Variants in COMMD2 observed in about 807,000 individuals in gnomAD.
The protein encoded by COMMD2 is COMM domain-containing protein 2.
Under a neutral mutation model 22.5 loss-of-function variants are expected in COMMD2, and 25 were observed. That is an observed-to-expected ratio of 1.11 (90% CI 0.81 to 1.55). COMMD2 has a LOEUF of 1.55. Among genes scored for constraint, COMMD2 ranks in the 40% most tolerant of loss-of-function variants. COMMD2 has a pLI of 0.00. For missense variants in COMMD2, 223 were observed against 232.9 expected (o/e 0.96, Z 0.28); for synonymous variants, 98 against 91.2 (o/e 1.07, Z -0.42).
Position 149,739,792 on chromosome 3 carries a change from A to G in COMMD2, c.*1729T>C, listed in dbSNP as rs1055357941. The G allele has an allele frequency of 3.9e-5, 6 of 152,202 alleles. No homozygotes were observed. Among genetic ancestry groups the G allele is most frequent in the Non-Finnish European group, 7.3e-5 (5 of 68,034 alleles). 9.4% of individuals were successfully genotyped at this position (152,202 alleles called of 1,614,324 possible). A position where few individuals can be genotyped will look rare whatever the true frequency, so the allele number is the denominator to read the frequency against. ...GAGCTTCATTAATCAAGTTGCCACT[A>G]TAATTAAAAATTATTTCTGATTATA... On this transcript the variant is annotated 3_prime_UTR_variant, in exon 5 of 5. Transcript: ENST00000473414.
At chr3:149,744,037 A>C (rs1716302899) in intron 4 of COMMD2, among the ~76,000 whole-genome samples, 1 of 152,192 alleles carries the variant, frequency 6.6e-6, no homozygotes, top group Admixed American at 6.5e-5. Context: ...TTTTCTCAGA[A>C]AGAAGTTGAA....
chr3:149,750,874 A>G, intron 3 of COMMD2, 23 bp from the exon 4 acceptor site: 1 of 1,479,536 alleles, frequency 6.8e-7, no homozygotes, highest in Non-Finnish European at 9.2e-7. Context: ...AGTTTAAAAG[A>G]ACATCAAAAT....
At chr3:149,743,524 A>G (rs1244378668) in intron 4 of COMMD2, among the ~76,000 whole-genome samples, 4 of 152,198 alleles carry the variant, frequency 2.6e-5, no homozygotes, top group Non-Finnish European at 5.9e-5. Context: ...ATTCTGACTA[A>G]TAACTTCTTC....
In COMMD2 at chr3:149,752,475, G is replaced by T. The variant is rs368706725; in HGVS notation, c.-31C>A. 6.3e-7 allele frequency: 1 copy of T among 1,590,294 alleles called. No individual in the cohort carries two copies. The highest frequency in any genetic ancestry group is 8.6e-7 in the Non-Finnish European group (1 of 1,165,404). ...CTGTCCTACGATTTCACCCGGCAGC[G>T]CCGACCCCGCCTTCGCCACTTCCGG... On this transcript the variant is annotated 5_prime_UTR_variant, in exon 1 of 5. Coordinates refer to ENST00000473414, the MANE Select transcript of COMMD2 (RefSeq NM_016094.4).
chr3:149,744,963 A>G (rs1716327411), intron 4 of COMMD2, among the ~76,000 whole-genome samples: 1 of 152,248 alleles, frequency 6.6e-6, no homozygotes, highest in Non-Finnish European at 1.5e-5. Context: ...TCTTAATTTT[A>G]ACTTTCAAAA....
chr3:149,745,780 T>C (rs1458234846), intron 4 of COMMD2, among the ~76,000 whole-genome samples: 3 of 152,208 alleles, frequency 2.0e-5, no homozygotes, highest in Non-Finnish European at 4.4e-5. Flanking sequence ...AATGTAAAAT[T>C]TGAAGATACA....
chr3:149,751,286 AT>A, intron 3 of COMMD2, 116 bp downstream of exon 3: 1 of 1,494,776 alleles, frequency 6.7e-7, no homozygotes, highest in Non-Finnish European at 9.0e-7. Context: ...AAAATCAATT[AT>A]AAACCATTAA....
At chr3:149,748,146 T>C (rs1462207064) in intron 4 of COMMD2, among the ~76,000 whole-genome samples, 4 of 151,080 alleles carry the variant, frequency 2.6e-5, no homozygotes, top group Non-Finnish European at 5.9e-5. Flanking sequence ...TGGGGGGAAA[T>C]GGGGATGGAT....
chr3:149,751,354 C>T, intron 3 of COMMD2, 49 bp downstream of exon 3: 1 of 1,613,354 alleles, frequency 6.2e-7, no homozygotes, highest in Non-Finnish European at 8.5e-7. Context: ...GTACACCAGA[C>T]CGTTCTTAAG....
intron 2 of COMMD2, 197 bp downstream of exon 2, chr3:149,752,013 T>C: frequency 1.9e-6 from 1 of 530,334 alleles, no homozygotes. Context: ...ACTGATTTAA[T>C]AGAAGCTTTA....
Position 149,752,435 on chromosome 3 carries a change from C to T in COMMD2, c.10G>A (p.Glu4Lys). 1 of 1,613,632 alleles carries T rather than the reference C, an allele frequency of 6.2e-7. No individual in the cohort carries two copies. Among genetic ancestry groups the T allele is most frequent in the Non-Finnish European group, 8.5e-7 (1 of 1,179,738 alleles). The change falls in exon 1 of 5, where the codon GAA becomes AAA. Residue 4 changes from glutamate (E) to lysine (K), a missense_variant. By Grantham distance (56) the Glu-to-Lys change is moderately conservative. Transcript: ENST00000473414. ...TGTTCCTTATGCTCCTCGGACAATT[C>T]CAGCAGCATCTTCACTGTCCTACGA... MLL[E>K]LSEEHKEHLA... is the part of the protein sequence containing the mutation.
At chr3:149,751,085 T>A (rs1576660865) in intron 3 of COMMD2, among the ~76,000 whole-genome samples, 1 of 152,328 alleles carries the variant, frequency 6.6e-6, no homozygotes, top group East Asian at 1.9e-4. Context: ...CTGTCCTTCA[T>A]CAAGCCAGAT....
In COMMD2 at chr3:149,747,947, C is replaced by CAAA. The variant is rs35936225; in HGVS notation, c.402+2728_402+2730dup. Among the ~76,000 whole-genome samples the CAAA allele has an allele frequency of 5.0e-4, 28 of 55,976 alleles. No individual in the cohort carries two copies. In the South Asian group the frequency reaches 0.015, roughly 30 times the overall value. 36.7% of individuals were successfully genotyped at this position (55,976 alleles called of 152,430 possible). ...TGGGCGACTGAGCAAGACTCCATCT[C>CAAA]AAAAAAAAAAAAAAAAAAAAAAAAG... is the stretch of plus-strand genomic sequence containing the variant. On this transcript the variant is annotated intron_variant, in intron 4 of 4. Transcript: ENST00000473414.
intron 4 of COMMD2, among the ~76,000 whole-genome samples, chr3:149,742,863 G>A (rs1716271402): frequency 6.6e-6 from 1 of 151,740 alleles, no homozygotes; most frequent in South Asian, 2.1e-4. Context: ...CTACTTGGGA[G>A]GCTGAGGCAG....
intron 2 of COMMD2, 189 bp downstream of exon 2, chr3:149,752,021 T>G: frequency 1.9e-6 from 1 of 539,898 alleles, no homozygotes; most frequent in Non-Finnish European, 3.3e-6. Flanking sequence ...AATAGAAGCT[T>G]TAACAATCTC....
chr3:149,742,435 T>C (rs1300236098), intron 4 of COMMD2, among the ~76,000 whole-genome samples: 1 of 152,196 alleles, frequency 6.6e-6, no homozygotes, highest in Non-Finnish European at 1.5e-5. Flanking sequence ...TTATTCATGA[T>C]AGTATGTTTC....
chr3:149,742,170 G>A (rs2108248322), intron 4 of COMMD2, among the ~76,000 whole-genome samples: 1 of 152,244 alleles, frequency 6.6e-6, no homozygotes, highest in East Asian at 1.9e-4. Flanking sequence ...GCATTTTACA[G>A]AAGACAAATG....
At chr3:149,751,244 A>G in intron 3 of COMMD2, 159 bp downstream of exon 3, 1 of 1,110,042 alleles carries the variant, frequency 9.0e-7, no homozygotes, top group Non-Finnish European at 1.3e-6. Flanking sequence ...TCAGCAGATG[A>G]TATGATTTTT....
chr3:149,740,480 G>A lies in COMMD2; in HGVS notation c.*1041C>T, dbSNP rs1716182164. On this transcript the variant is annotated 3_prime_UTR_variant, in exon 5 of 5. Transcript: ENST00000473414. ...ACAGAGTGTCTCCTAGATGCTTTGG[G>A]TATGGTGGAAGAATTAGTCCTTGAT... 1 of 152,140 alleles carries A rather than the reference G, an allele frequency of 6.6e-6. No individual in the cohort carries two copies. The highest frequency in any genetic ancestry group is 2.4e-5 in the African/African-American group (1 of 41,422). The allele number at this position is 152,140 out of a possible 1,614,324, so 9.4% of individuals were successfully genotyped here. A position where few individuals can be genotyped will look rare whatever the true frequency, so the allele number is the denominator to read the frequency against.
Sources: gnomAD v4.1 joint callset for allele counts (sites outside exome capture counted in the v4.1 genomes callset) on GRCh38, gnomAD v4.1.1 for gene constraint, MANE v1.5 for transcripts, NCBI Gene and HGNC (gene_info 2026-07-23, HGNC 2026-07-21) for gene names.